Variants in LARS2 observed in about 807,000 individuals in gnomAD.
LARS2 encodes leucyl-tRNA synthetase 2, mitochondrial.
A neutral mutation model predicts 116.6 loss-of-function variants in LARS2; 81 were observed. That is an observed-to-expected ratio of 0.69 (90% CI 0.58 to 0.84). LARS2 has a LOEUF of 0.84. Among genes scored for constraint, LARS2 ranks in the 40% least tolerant of loss-of-function variants. LARS2 has a pLI of 0.00. For synonymous variants in LARS2, 396 were observed against 407.2 expected (o/e 0.97, Z 0.33); for missense variants, 968 against 1,114.5 (o/e 0.87, Z 1.87).
At chr3:45,513,675 G>A (rs571689789) in intron 16 of LARS2, among the ~76,000 whole-genome samples, 31 of 152,108 alleles carry the variant, frequency 2.0e-4, no homozygotes, top group South Asian at 8.3e-4. Flanking sequence ...CGGTTTACTC[G>A]TAGCACCCCA....
intron 6 of LARS2, among the ~76,000 whole-genome samples, chr3:45,423,376 G>T (rs796639644): frequency 1.6e-4 from 24 of 152,140 alleles, no homozygotes; most frequent in African/African-American, 5.5e-4. Flanking sequence ...GCAGTGGTGC[G>T]ATCTCAGCTC....
intron 8 of LARS2, among the ~76,000 whole-genome samples, chr3:45,473,619 G>C (rs1325993129): frequency 6.6e-6 from 1 of 151,324 alleles, no homozygotes; most frequent in Admixed American, 6.6e-5. Context: ...CCTGACCTCA[G>C]GTGATCCGCC....
At chr3:45,480,364 T>C (rs1242001373) in intron 10 of LARS2, among the ~76,000 whole-genome samples, 1 of 152,274 alleles carries the variant, frequency 6.6e-6, no homozygotes, top group African/African-American at 2.4e-5. Flanking sequence ...TTATATGGAC[T>C]GCCGCCTTGG....
chr3:45,436,143 C>T (rs1033721285), intron 6 of LARS2, among the ~76,000 whole-genome samples: 1 of 152,114 alleles, frequency 6.6e-6, no homozygotes, highest in Non-Finnish European at 1.5e-5. Flanking sequence ...TCATTTTGGG[C>T]ACTGCTGTCA....
chr3:45,452,889 T>A (rs1177753403), intron 7 of LARS2, among the ~76,000 whole-genome samples: 2 of 152,186 alleles, frequency 1.3e-5, no homozygotes, highest in African/African-American at 4.8e-5. Flanking sequence ...CATGGTTCGA[T>A]CTTGCTAGGT....
chr3:45,395,348 C>T (rs1048200379), intron 3 of LARS2, among the ~76,000 whole-genome samples: 3 of 152,168 alleles, frequency 2.0e-5, no homozygotes, highest in Non-Finnish European at 2.9e-5. Flanking sequence ...TACACCAGCT[C>T]GGCACTCTAC....
chr3:45,489,861 G>A (rs956238201), intron 12 of LARS2, among the ~76,000 whole-genome samples: 14 of 152,172 alleles, frequency 9.2e-5, no homozygotes, highest in African/African-American at 7.2e-5. Flanking sequence ...TGATTCTGAT[G>A]TGCAGCAGAG....
At chr3:45,518,271 T>C (rs1255450553) in intron 18 of LARS2, among the ~76,000 whole-genome samples, 199 bp downstream of exon 18, 1 of 152,178 alleles carries the variant, frequency 6.6e-6, no homozygotes, top group Non-Finnish European at 1.5e-5. Context: ...ACAGTGCATA[T>C]GTTCTAATGG....
rs182769490 is a variant in LARS2 at position 45,514,798 on chromosome 3, G to C, written c.1862-1296G>C. On this transcript the variant is annotated intron_variant, in intron 16 of 21. Transcript: ENST00000645846. ...TTGCATAACAGTGTTTTAAGGTCTAGACACAGCCTGGGGCAGGGTAAAGGG... is the reference window on the plus strand; with the variant it reads ...TTGCATAACAGTGTTTTAAGGTCTACACACAGCCTGGGGCAGGGTAAAGGG... Among the ~76,000 whole-genome samples the C allele has an allele frequency of 9.8e-5, 15 of 152,310 alleles. No homozygotes were observed. The East Asian group carries it at 2.5e-3, about 25-fold the overall frequency.
rs116639712 is a variant in LARS2, at chr3:45,395,100, A to G, written c.234+413A>G. 5.4e-3 allele frequency among the ~76,000 whole-genome samples: 823 copies of G among 152,334 alleles called. 5 individuals are homozygous for G. The highest frequency in any genetic ancestry group is 0.019 in the African/African-American group (794 of 41,578). On this transcript the variant is annotated intron_variant, in intron 3 of 21. Coordinates refer to ENST00000645846, the MANE Select transcript of LARS2 (RefSeq NM_015340.4). ...GGTCCATTGCATGGTGGGGCAGCAC[A>G]CAGGGATCTGGCAGGGTCATATCTG...
At chr3:45,397,826 G>C (rs1698075660) in intron 3 of LARS2, among the ~76,000 whole-genome samples, 1 of 152,150 alleles carries the variant, frequency 6.6e-6, no homozygotes, top group Non-Finnish European at 1.5e-5. Context: ...TAAAAGAATG[G>C]GGTCTTGTAC....
chr3:45,412,723 G>A (rs186151868), intron 4 of LARS2, among the ~76,000 whole-genome samples: 9 of 152,324 alleles, frequency 5.9e-5, no homozygotes, highest in Admixed American at 4.6e-4. Context: ...AGCATAGGAT[G>A]TGGCAAGCCA....
intron 8 of LARS2, 50 bp downstream of exon 8, chr3:45,458,936 C>T (rs1473852281): frequency 6.3e-7 from 1 of 1,593,538 alleles, no homozygotes; most frequent in Admixed American, 1.7e-5. Flanking sequence ...TGCTGGCAGG[C>T]AACACCAAAG....
chr3:45,545,960 GAA>G (rs1168781892), intron 21 of LARS2, among the ~76,000 whole-genome samples: 7 of 127,964 alleles, frequency 5.5e-5, no homozygotes, highest in Admixed American at 7.9e-5. Context: ...TGTCCTTAAG[GAA>G]AAAAAAAAAA....
At chr3:45,389,346 A>G (rs1052695417) in intron 1 of LARS2, among the ~76,000 whole-genome samples, 1 of 152,070 alleles carries the variant, frequency 6.6e-6, no homozygotes, top group Non-Finnish European at 1.5e-5. Flanking sequence ...ACGCAGGGAA[A>G]TGAATGACTC....
In LARS2 at chr3:45,547,350, G is replaced by A. The variant is rs2125774399; in HGVS notation, c.2533-1G>A. Reference sequence around the variant, plus strand: ...TTTATCTTGGCTTTTCTCCTTCTCAGATCAACAATAAAGCTTGTGGCAAAA... The same window carrying A: ...TTTATCTTGGCTTTTCTCCTTCTCAAATCAACAATAAAGCTTGTGGCAAAA... On this transcript the variant is annotated splice_acceptor_variant, in intron 21 of 21. Coordinates refer to ENST00000645846, the MANE Select transcript of LARS2 (RefSeq NM_015340.4). LOFTEE classifies it high-confidence loss of function. The A allele has an allele frequency of 6.2e-7, 1 of 1,603,264 alleles. No homozygotes were observed. Among genetic ancestry groups the A allele is most frequent in the Non-Finnish European group, 8.5e-7 (1 of 1,175,652 alleles).
At chr3:45,397,575 G>T (rs1268533159) in intron 3 of LARS2, among the ~76,000 whole-genome samples, 1 of 151,848 alleles carries the variant, frequency 6.6e-6, no homozygotes, top group Non-Finnish European at 1.5e-5. Flanking sequence ...GGGCAAGATT[G>T]GTAAATTAAA....
At chr3:45,532,830 C>G (rs1296514904) in intron 20 of LARS2, among the ~76,000 whole-genome samples, 9 of 151,934 alleles carry the variant, frequency 5.9e-5, no homozygotes, top group African/African-American at 9.7e-5. Context: ...TTAGTAGAGA[C>G]GAGGTTTTGC....
chr3:45,468,926 T>C (rs1699477828), intron 8 of LARS2, among the ~76,000 whole-genome samples: 1 of 152,190 alleles, frequency 6.6e-6, no homozygotes, highest in Non-Finnish European at 1.5e-5. Flanking sequence ...ATAGGAGTCC[T>C]CTTATTGGAA....
Sources: allele counts gnomAD v4.1 joint callset (sites outside exome capture counted in the v4.1 genomes callset), GRCh38; gene constraint gnomAD v4.1.1; transcripts MANE v1.5; gene names NCBI Gene and HGNC (gene_info 2026-07-23, HGNC 2026-07-21).